Variants in TEF observed in about 807,000 individuals in gnomAD.
The protein encoded by TEF is TEF transcription factor, PAR bZIP family member.
Under a neutral mutation model 20.8 loss-of-function variants are expected in TEF, and 3 were observed. That is an observed-to-expected ratio of 0.14 (90% CI 0.07 to 0.37). The LOEUF (loss-of-function observed/expected upper bound fraction) is 0.37. Among genes scored for constraint, TEF ranks in the 10% least tolerant of loss-of-function variants. The pLI is 1.00. For synonymous variants in TEF, 180 were observed against 171.1 expected (o/e 1.05, Z -0.41); for missense variants, 296 against 397.9 (o/e 0.74, Z 2.18).
upstream of TEF, among the ~76,000 whole-genome samples, chr22:41,378,226 T>C (rs2036969701): frequency 6.8e-6 from 1 of 147,604 alleles, no homozygotes; most frequent in Non-Finnish European, 1.5e-5. Context: ...TGGAGTGCAG[T>C]GGCACGATCT....
chr22:41,391,654 C>T (rs2037168103), intron 2 of TEF, among the ~76,000 whole-genome samples: 1 of 143,676 alleles, frequency 7.0e-6, no homozygotes, highest in Non-Finnish European at 1.5e-5. Context: ...GAGGGAGTCT[C>T]ACTCTGTCGC....
At chr22:41,392,430 C>G (rs1477801488) in intron 2 of TEF, among the ~76,000 whole-genome samples, 1 of 151,492 alleles carries the variant, frequency 6.6e-6, no homozygotes, top group Non-Finnish European at 1.5e-5. Context: ...AATCCCAGCA[C>G]TTTGGGAGGC....
Position 41,396,184 on chromosome 22 carries a change from C to T in TEF, c.*224C>T, listed in dbSNP as rs556391726. 2.6e-5 allele frequency: 14 copies of T among 538,180 alleles called. No homozygotes were observed. In the East Asian group the frequency reaches 4.1e-4, roughly 16 times the overall value. 33.3% of individuals were successfully genotyped at this position (538,180 alleles called of 1,614,324 possible). ...TCACTGGTGGGGAACGCAAGAGAAT[C>T]TGCGTAGATGGGTGACTCAGCCTTA... On this transcript the variant is annotated 3_prime_UTR_variant, in exon 4 of 4. Transcript: ENST00000266304.
chr22:41,369,531 C>T (rs1007465588), intron 1 of TEF, among the ~76,000 whole-genome samples: 2 of 152,212 alleles, frequency 1.3e-5, no homozygotes, highest in East Asian at 1.9e-4. Context: ...GGCTGAAGAG[C>T]CACAGGACTC....
chr22:41,382,210 G>A lies in TEF; in HGVS notation c.157+9G>A, dbSNP rs1013935489. 9.8e-6 allele frequency: 12 copies of A among 1,226,850 alleles called. No homozygotes were observed. Among genetic ancestry groups the A allele is most frequent in the African/African-American group, 4.7e-5 (3 of 64,044 alleles). The allele number at this position is 1,226,850 out of a possible 1,614,324, so 76.0% of individuals were successfully genotyped here. ...GCGCGAGGCGCGCCTCGGTGAGGGC[G>A]GGGGGGTGGTCCGCGCGGGCTGGGG... is the stretch of plus-strand genomic sequence containing the variant. On this transcript the variant is annotated intron_variant, in intron 1 of 3. Transcript: ENST00000266304.
rs2037201033 is a variant in TEF at position 41,394,235 on chromosome 22, G to A, written c.615G>A (p.Lys205=). Residue 205 remains lysine (K), a synonymous_variant, in exon 3 of 4, where the codon AAG becomes AAA. Coordinates refer to ENST00000266304, the MANE Select transcript of TEF (RefSeq NM_003216.4). Reference sequence around the variant, plus strand: ...GCGGGGAGCTCTTCAACCCTCGGAAGCACAAGTTTGCTGAGGAGGACCTGA... The same window carrying A: ...GCGGGGAGCTCTTCAACCCTCGGAAACACAAGTTTGCTGAGGAGGACCTGA... The part of the protein sequence containing the change: ...VPGGELFNPR[K]HKFAEEDLKP... 6.2e-7 allele frequency: 1 copy of A among 1,614,042 alleles called. No homozygotes were observed. The highest frequency in any genetic ancestry group is 1.7e-5 in the Admixed American group (1 of 59,990).
At chr22:41,374,181 G>A (rs1195744680) in intron 1 of TEF, among the ~76,000 whole-genome samples, 1 of 152,164 alleles carries the variant, frequency 6.6e-6, no homozygotes. Flanking sequence ...TGAAGTGGGA[G>A]GAGTGCTTGA....
At chr22:41,390,463 C>G (rs1249943665) in intron 2 of TEF, among the ~76,000 whole-genome samples, 1 of 149,878 alleles carries the variant, frequency 6.7e-6, no homozygotes, top group Non-Finnish European at 1.5e-5. Context: ...CCCTCTTCTT[C>G]CAGCAAAGTC....
chr22:41,370,058 C>T (rs764072112), intron 1 of TEF: 18 of 984,848 alleles, frequency 1.8e-5, no homozygotes, highest in African/African-American at 3.5e-5. Flanking sequence ...CAGGTGTGCT[C>T]TCCCCATGCT....
At chr22:41,389,795 T>C (rs959407037) in intron 2 of TEF, among the ~76,000 whole-genome samples, 1 of 152,320 alleles carries the variant, frequency 6.6e-6, no homozygotes, top group East Asian at 1.9e-4. Flanking sequence ...GTTTCATTGC[T>C]GAATAGTAGT....
At position 41,396,480 on chromosome 22, in the gene TEF, C is replaced by A. The variant is rs916666072; in HGVS notation, c.*520C>A. 1 of 165,246 alleles carries A rather than the reference C, an allele frequency of 6.1e-6. No homozygotes were observed. Among genetic ancestry groups the A allele is most frequent in the South Asian group, 1.9e-4 (1 of 5,130 alleles). 10.2% of individuals were successfully genotyped at this position (165,246 alleles called of 1,614,324 possible). On this transcript the variant is annotated 3_prime_UTR_variant, in exon 4 of 4. Coordinates refer to ENST00000266304, the MANE Select transcript of TEF (RefSeq NM_003216.4). The stretch of plus-strand genomic sequence containing the variant: ...TCCCATCTTCCTTGGAAGCAGGACA[C>A]ACCAGCTCCTCCGTCAGTGTCTGCA...
At chr22:41,371,014 A>G (rs1012554715) in intron 1 of TEF, among the ~76,000 whole-genome samples, 64 of 151,828 alleles carry the variant, frequency 4.2e-4, no homozygotes, top group African/African-American at 1.5e-3. Context: ...TTTCCCCTCT[A>G]TGTCCCTGGG....
Position 41,389,651 on chromosome 22 carries a change from T to C in TEF, c.475+1983T>C, listed in dbSNP as rs182018816. 1.1e-4 allele frequency among the ~76,000 whole-genome samples: 17 copies of C among 151,624 alleles called. No individual in the cohort carries two copies. The East Asian group carries it at 3.3e-3, about 29-fold the overall frequency. On this transcript the variant is annotated intron_variant, in intron 2 of 3. Coordinates refer to ENST00000266304, the MANE Select transcript of TEF (RefSeq NM_003216.4). ...TAAATAAAAGTTTTTTTTTTTTTTC[T>C]GTAGAGTCAGGGTATCACTGTGTTG...
intron 2 of TEF, among the ~76,000 whole-genome samples, chr22:41,389,154 A>G (rs2037135165): frequency 6.6e-6 from 1 of 152,122 alleles, no homozygotes; most frequent in African/African-American, 2.4e-5. Context: ...TAATCCCAGC[A>G]CTTTGGGAGG....
intron 2 of TEF, among the ~76,000 whole-genome samples, chr22:41,390,277 A>G (rs1485318167): frequency 2.0e-5 from 3 of 152,100 alleles, no homozygotes; most frequent in South Asian, 2.1e-4. Flanking sequence ...GGACATGCAT[A>G]TGTTCAGTTT....
Position 41,382,101 on chromosome 22 carries a change from TCCGGGG to T in TEF, c.65_70del (p.Pro22_Gly23del), listed in dbSNP as rs1436046931. On this transcript the variant is annotated inframe_deletion, in exon 1 of 4. Transcript: ENST00000266304. ...CTGTGGACCCGCAGGCAGGACCCGG[TCCGGGG>T]CCGGGGCGCGCAGCTGGGGAAAGGG... The T allele has an allele frequency of 8.1e-7, 1 of 1,232,210 alleles. No individual in the cohort carries two copies. Among genetic ancestry groups the T allele is most frequent in the East Asian group, 3.2e-5 (1 of 31,682 alleles). 76.3% of individuals were successfully genotyped at this position (1,232,210 alleles called of 1,614,324 possible).
At chr22:41,367,666 A>G in intron 1 of TEF, 1 of 1,478,812 alleles carries the variant, frequency 6.8e-7, no homozygotes, top group Non-Finnish European at 9.2e-7. Flanking sequence ...GGGCAGCCAC[A>G]GGCACAGTGG....
At chr22:41,393,617 C>T (rs774483276) in intron 2 of TEF, among the ~76,000 whole-genome samples, 2 of 151,626 alleles carry the variant, frequency 1.3e-5, no homozygotes, top group Admixed American at 6.6e-5. Flanking sequence ...ATTAGCCAGG[C>T]TTGGTGGCGG....
chr22:41,398,549 T>A lies in TEF; in HGVS notation c.*2589T>A, dbSNP rs373958647. 1.2e-3 allele frequency: 177 copies of A among 153,792 alleles called. No individual in the cohort carries two copies. The highest frequency in any genetic ancestry group is 4.2e-3 in the African/African-American group (173 of 41,588). 9.5% of individuals were successfully genotyped at this position (153,792 alleles called of 1,614,324 possible). On this transcript the variant is annotated 3_prime_UTR_variant, in exon 4 of 4. Coordinates refer to ENST00000266304, the MANE Select transcript of TEF (RefSeq NM_003216.4). ...AGCTGGAACTTTGCAAGAATATTCA[T>A]ATTATAAATGTCTCATCTGATGGAG...
Sources: gnomAD v4.1 joint callset for allele counts (sites outside exome capture counted in the v4.1 genomes callset) on GRCh38, gnomAD v4.1.1 for gene constraint, MANE v1.5 for transcripts, NCBI Gene and HGNC (gene_info 2026-07-23, HGNC 2026-07-21) for gene names.